PILRB: variants seen among roughly 807,000 people sequenced by gnomAD.
PILRB encodes the protein paired immunoglobulin-like type 2 receptor beta.
PILRB carries 21 observed loss-of-function variants against 20.5 expected under a neutral mutation model. The ratio of observed to expected loss-of-function variants is 1.02; its 90% confidence interval spans 0.72 to 1.47. PILRB has a LOEUF of 1.47. PILRB is among the 40% of genes most tolerant of loss of function. The pLI is 0.00. For synonymous variants in PILRB, 133 were observed against 115.1 expected (o/e 1.16, Z -0.99); for missense variants, 253 against 272.1 (o/e 0.93, Z 0.49).
chr7:100,363,409 A>C (rs1234258658), intron 3 of PILRB, among the ~76,000 whole-genome samples: 1 of 152,226 alleles, frequency 6.6e-6, no homozygotes, highest in Non-Finnish European at 1.5e-5. Context: ...GAAAATTAAG[A>C]AAACAATTCC....
At position 100,358,931 on chromosome 7, in the gene PILRB, A is replaced by G. The variant is rs769536064; in HGVS notation, c.306A>G (p.Thr102=). 2.5e-5 allele frequency: 41 copies of G among 1,614,036 alleles called. No homozygotes were observed. Among genetic ancestry groups the G allele is most frequent in the Non-Finnish European group, 4.2e-6 (5 of 1,180,036 alleles). ...DYVNRLFLNW[T]EGQESGFLRI... is the part of the protein sequence containing the mutation. The stretch of plus-strand genomic sequence containing the variant: ...TGAACCGGCTCTTTCTGAACTGGAC[A>G]GAGGGTCAGGAGAGCGGCTTCCTCA... The change falls in exon 2 of 4, where the codon ACA becomes ACG. Residue 102 remains threonine, a synonymous_variant. Transcript: ENST00000609309.
chr7:100,365,589 T>C (rs1252666390), intron 3 of PILRB, among the ~76,000 whole-genome samples: 3 of 152,002 alleles, frequency 2.0e-5, no homozygotes, highest in Non-Finnish European at 4.4e-5. Flanking sequence ...AAGGCTGAGG[T>C]AGGTGGATCA....
At chr7:100,360,566 G>A (rs1332283095) in intron 3 of PILRB, among the ~76,000 whole-genome samples, 1 of 152,072 alleles carries the variant, frequency 6.6e-6, no homozygotes, top group African/African-American at 2.4e-5. Flanking sequence ...GAGAAGAGGA[G>A]ATGACCTTAG....
rs1413367568 is a variant in PILRB at position 100,358,207 on chromosome 7, C to G, written c.-96C>G. On this transcript the variant is annotated 5_prime_UTR_variant, in exon 1 of 4. Transcript: ENST00000609309. ...CTGGGGAGCCTCACCCTGGCTCTCC[C>G]CACTCACCTCAGCCCTCAGGCAGCC... is the stretch of plus-strand genomic sequence containing the variant. The G allele has an allele frequency of 6.8e-7, 1 of 1,469,732 alleles. No individual in the cohort carries two copies. The highest frequency in any genetic ancestry group is 9.4e-7 in the Non-Finnish European group (1 of 1,059,944). 91.0% of individuals were successfully genotyped at this position (1,469,732 alleles called of 1,614,324 possible).
Position 100,359,323 on chromosome 7 carries a change from C to G in PILRB, c.455-14C>G, listed in dbSNP as rs779502806. ...CCCCCAGAAGAGGGTCTGCTCATTCCTCATCTCTTCCAGCTGTCACAACCA... is the reference window on the plus strand; with the variant it reads ...CCCCCAGAAGAGGGTCTGCTCATTCGTCATCTCTTCCAGCTGTCACAACCA... On this transcript the variant is annotated splice_polypyrimidine_tract_variant and intron_variant, in intron 2 of 3. Coordinates refer to ENST00000609309, the MANE Select transcript of PILRB (RefSeq NM_178238.4). The G allele has an allele frequency of 2.5e-6, 4 of 1,613,636 alleles. No individual in the cohort carries two copies. The highest frequency in any genetic ancestry group is 2.7e-5 in the African/African-American group (2 of 74,876).
chr7:100,361,486 G>A (rs1309000491), intron 3 of PILRB, among the ~76,000 whole-genome samples: 3 of 152,114 alleles, frequency 2.0e-5, no homozygotes, highest in South Asian at 2.1e-4. Flanking sequence ...GAGGTCAGGC[G>A]TTCAAGACCA....
intron 3 of PILRB, among the ~76,000 whole-genome samples, chr7:100,362,002 G>A (rs1257153968): frequency 6.6e-6 from 1 of 152,114 alleles, no homozygotes; most frequent in Non-Finnish European, 1.5e-5. Flanking sequence ...TCACACCTGT[G>A]ATTCTAGCAG....
chr7:100,358,773 G>A lies in PILRB; in HGVS notation c.148G>A (p.Glu50Lys). ...CTCAGCCTCCATGGGTGGCTCTGTG[G>A]AAATCCCCTTCTCCTTCTATTACCC... ...HLSASMGGSV[E>K]IPFSFYYPWE... Residue 50 changes from glutamate to lysine, a missense_variant, in exon 2 of 4, where the codon GAA becomes AAA. Coordinates refer to ENST00000609309, the MANE Select transcript of PILRB (RefSeq NM_178238.4). 6.2e-7 allele frequency: 1 copy of A among 1,613,926 alleles called. No individual in the cohort carries two copies. The highest frequency in any genetic ancestry group is 8.5e-7 in the Non-Finnish European group (1 of 1,179,896).
At chr7:100,360,942 T>C (rs1200309408) in intron 3 of PILRB, among the ~76,000 whole-genome samples, 3 of 152,106 alleles carry the variant, frequency 2.0e-5, no homozygotes, top group Non-Finnish European at 4.4e-5. Context: ...TTTTGTTTTG[T>C]TTTTTGTTTT....
At position 100,367,359 on chromosome 7, in the gene PILRB, G is replaced by A. The variant is rs746194457; in HGVS notation, c.666G>A (p.Ala222=). 1.3e-5 allele frequency: 10 copies of A among 780,822 alleles called. No homozygotes were observed. The highest frequency in any genetic ancestry group is 2.4e-5 in the East Asian group (1 of 41,264). The allele number at this position is 780,822 out of a possible 1,614,324, so 48.4% of individuals were successfully genotyped here. A position where few individuals can be genotyped will look rare whatever the true frequency, so the allele number is the denominator to read the frequency against. ...CTTCCCCTCCTGCAGGTAGCAGGGC[G>A]CCAAGCAGTGACTTCTGACCAACAG... ...LWWRRRKGSR[A]PSSDF is the part of the protein sequence containing the mutation. Residue 222 remains alanine (A), a synonymous_variant, in exon 4 of 4, where the codon GCG becomes GCA. Transcript: ENST00000609309.
intron 3 of PILRB, among the ~76,000 whole-genome samples, chr7:100,366,858 A>G (rs552201830): frequency 6.6e-6 from 1 of 152,140 alleles, no homozygotes; most frequent in East Asian, 1.9e-4. Context: ...GAGGGTAGCA[A>G]GGTTTTGCGG....
chr7:100,358,760 G>T lies in PILRB; in HGVS notation c.135G>T (p.Met45Ile). ...AACCAAAACACCTCTCAGCCTCCAT[G>T]GGTGGCTCTGTGGAAATCCCCTTCT... ...VTQPKHLSAS[M>I]GGSVEIPFSF... Residue 45 changes from methionine (M) to isoleucine (I), a missense_variant, in exon 2 of 4, where the codon ATG (methionine) becomes ATT (isoleucine). By Grantham distance (10) the Met-to-Ile change is conservative. Coordinates refer to ENST00000609309, the MANE Select transcript of PILRB (RefSeq NM_178238.4). The T allele has an allele frequency of 6.2e-7, 1 of 1,613,886 alleles. No homozygotes were observed. The highest frequency in any genetic ancestry group is 8.5e-7 in the Non-Finnish European group (1 of 1,179,824).
In PILRB at chr7:100,358,287, G is replaced by A. The variant is rs1790419407; in HGVS notation, c.-16G>A. On this transcript the variant is annotated 5_prime_UTR_variant, in exon 1 of 4. Coordinates refer to ENST00000609309, the MANE Select transcript of PILRB (RefSeq NM_178238.4). ...AGCTCTGCTGGTCTCCCCGTCCCCT[G>A]GAGAAGAACAAGGCCATGGGTCGGC... is the stretch of plus-strand genomic sequence containing the variant. 6.2e-7 allele frequency: 1 copy of A among 1,612,190 alleles called. No individual in the cohort carries two copies. The highest frequency in any genetic ancestry group is 1.7e-5 in the Admixed American group (1 of 59,998).
intron 3 of PILRB, among the ~76,000 whole-genome samples, chr7:100,361,624 T>TGGA (rs1790530246): frequency 6.6e-6 from 1 of 151,998 alleles, no homozygotes; most frequent in Admixed American, 6.6e-5. Flanking sequence ...ACCCAGGAGG[T>TGGA]GGAGGCTGCA....
chr7:100,360,985 G>A (rs1036549019), intron 3 of PILRB, among the ~76,000 whole-genome samples: 3 of 152,076 alleles, frequency 2.0e-5, no homozygotes, highest in African/African-American at 7.2e-5. Context: ...GCCCAGGCTG[G>A]AGTGCAGTGG....
At chr7:100,364,871 C>G (rs1790631325) in intron 3 of PILRB, among the ~76,000 whole-genome samples, 1 of 152,098 alleles carries the variant, frequency 6.6e-6, no homozygotes, top group Admixed American at 6.5e-5. Context: ...GGAGAATGAC[C>G]TGAGCCCAGG....
chr7:100,364,139 G>A (rs957305377), intron 3 of PILRB, among the ~76,000 whole-genome samples: 1 of 151,476 alleles, frequency 6.6e-6, no homozygotes, highest in Non-Finnish European at 1.5e-5. Flanking sequence ...AAATAGAGCA[G>A]TGGAATAGAA....
intron 2 of PILRB, 83 bp from the exon 3 acceptor site, chr7:100,359,254 A>G (rs964072926): frequency 3.1e-5 from 47 of 1,539,030 alleles, no homozygotes; most frequent in African/African-American, 1.1e-4. Context: ...AATGTCCCCA[A>G]TCTAGAAAGC....
At chr7:100,365,351 C>T (rs1790647869) in intron 3 of PILRB, among the ~76,000 whole-genome samples, 1 of 152,168 alleles carries the variant, frequency 6.6e-6, no homozygotes, top group South Asian at 2.1e-4. Context: ...ATAAATGAGC[C>T]TTGAGGACAT....
Sources: allele counts gnomAD v4.1 joint callset (sites outside exome capture counted in the v4.1 genomes callset), GRCh38; gene constraint gnomAD v4.1.1; transcripts MANE v1.5; gene names NCBI Gene and HGNC (gene_info 2026-07-23, HGNC 2026-07-21).